Variants in MCF2L observed in about 807,000 individuals in gnomAD.
MCF2L encodes MCF.2 cell line derived transforming sequence like.
A neutral mutation model predicts 153.4 loss-of-function variants in MCF2L; 97 were observed. That is an observed-to-expected ratio of 0.63 (90% CI 0.54 to 0.75). The LOEUF (loss-of-function observed/expected upper bound fraction) is 0.75. Ranked by LOEUF, MCF2L falls within the 30% of genes least tolerant of loss-of-function variation. The pLI is 0.00. For missense variants in MCF2L, 1,347 were observed against 1,495.2 expected (o/e 0.90, Z 1.64); for synonymous variants, 659 against 632.2 (o/e 1.04, Z -0.64).
rs145518202 is a variant in MCF2L at position 113,062,887 on chromosome 13, C to T, written c.490-1417C>T. ...GGCCGTCGCAACCACAGGTTTTCCA[C>T]ATAACCATAACCGTGTGGGAACTGC... On this transcript the variant is annotated intron_variant, in intron 5 of 29. Coordinates refer to ENST00000535094, the MANE Select transcript of MCF2L (RefSeq NM_001112732.3). Among the ~76,000 whole-genome samples, 189 of 152,334 alleles carry T rather than the reference C, an allele frequency of 1.2e-3. 1 individual carries two copies. The East Asian group carries it at 0.033, about 26-fold the overall frequency.
chr13:113,060,178 G>A (rs1236685871), intron 4 of MCF2L, among the ~76,000 whole-genome samples: 3 of 152,174 alleles, frequency 2.0e-5, no homozygotes, highest in Non-Finnish European at 4.4e-5. Context: ...CTCTCCACGC[G>A]GTGCTGGGAT....
chr13:112,961,721 C>T (rs2081828847), intron 2 of MCF2L, among the ~76,000 whole-genome samples: 1 of 152,216 alleles, frequency 6.6e-6, no homozygotes. Flanking sequence ...CTGCAGTCAC[C>T]CTCAGTGAGC....
chr13:112,936,034 C>T (rs1428445401), intron 2 of MCF2L, among the ~76,000 whole-genome samples: 3 of 152,108 alleles, frequency 2.0e-5, no homozygotes, highest in Admixed American at 6.5e-5. Context: ...AATCCCAGCA[C>T]ATTGGGAGGC....
intron 1 of MCF2L, chr13:112,979,463 T>G: frequency 1.4e-6 from 2 of 1,420,008 alleles, no homozygotes; most frequent in South Asian, 1.5e-5. Context: ...CCCTCTTGGG[T>G]TCTTTCTTGT....
At chr13:112,992,848 G>A (rs527992898) in intron 1 of MCF2L, among the ~76,000 whole-genome samples, 1 of 152,300 alleles carries the variant, frequency 6.6e-6, no homozygotes, top group Non-Finnish European at 1.5e-5. Context: ...GGCTTTAAAA[G>A]CACTGACTTT....
At chr13:113,006,131 ACC>A (rs893606375) in intron 1 of MCF2L, among the ~76,000 whole-genome samples, 1 of 151,686 alleles carries the variant, frequency 6.6e-6, no homozygotes, top group African/African-American at 2.4e-5. Flanking sequence ...GGTCTCACTC[ACC>A]CATCAGCCTG....
upstream of MCF2L, chr13:112,967,597 T>A (rs897268120): frequency 2.2e-4 from 34 of 152,298 alleles, no homozygotes; most frequent in African/African-American, 8.2e-4. Flanking sequence ...ATAAGGCCTG[T>A]AGGCACTATA....
At position 113,096,601 on chromosome 13, in the gene MCF2L, C is replaced by T. The variant is rs1189078586; in HGVS notation, c.3240C>T (p.Ser1080=). Reference sequence around the variant, plus strand: ...AGGAGGGCTGGGTGCCGGCCAGCAGCCTGTCCGTCCGGCTCGGCCCGTCCG... The same window carrying T: ...AGGAGGGCTGGGTGCCGGCCAGCAGTCTGTCCGTCCGGCTCGGCCCGTCCG... ...TGKEGWVPAS[S]LSVRLGPSGS... The change falls in exon 29 of 30, where the codon AGC becomes AGT. Residue 1080 remains serine, a synonymous_variant. Transcript: ENST00000535094. 6.2e-7 allele frequency: 1 copy of T among 1,602,862 alleles called. No individual in the cohort carries two copies. The highest frequency in any genetic ancestry group is 8.5e-7 in the Non-Finnish European group (1 of 1,178,260).
chr13:112,986,779 A>G (rs2082660700), intron 1 of MCF2L, among the ~76,000 whole-genome samples: 1 of 152,208 alleles, frequency 6.6e-6, no homozygotes, highest in Non-Finnish European at 1.5e-5. Context: ...CCGGGTCTGC[A>G]CTGCGCCCTC....
chr13:112,980,150 G>A (rs142148330), intron 1 of MCF2L, among the ~76,000 whole-genome samples: 120 of 152,340 alleles, frequency 7.9e-4, no homozygotes, highest in African/African-American at 2.8e-3. Flanking sequence ...TGGGTGGGAT[G>A]AGGGTGCAGA....
intron 1 of MCF2L, among the ~76,000 whole-genome samples, chr13:112,981,179 A>T (rs939528822): frequency 6.0e-5 from 9 of 151,214 alleles, no homozygotes; most frequent in African/African-American, 2.0e-4. Context: ...CGCACTGGGG[A>T]CCCCGACACG....
chr13:112,916,603 A>G (rs927410567), intron 2 of MCF2L, among the ~76,000 whole-genome samples: 1 of 152,086 alleles, frequency 6.6e-6, no homozygotes, highest in African/African-American at 2.4e-5. Context: ...CCACCCCTGC[A>G]CTGGGGTCTG....
chr13:113,091,674 C>T (rs1484173704), intron 26 of MCF2L, among the ~76,000 whole-genome samples: 2 of 151,882 alleles, frequency 1.3e-5, no homozygotes, highest in African/African-American at 4.8e-5. Flanking sequence ...CTGTCCGACC[C>T]GGACCCTCCT....
At chr13:113,094,795 GCTC>G in intron 27 of MCF2L, 160 bp downstream of exon 27, 2 of 1,058,414 alleles carry the variant, frequency 1.9e-6, no homozygotes, top group Non-Finnish European at 2.7e-6. Flanking sequence ...GGCAGTGCCA[GCTC>G]CTCCTAACTC....
At position 113,032,959 on chromosome 13, in the gene MCF2L, C is replaced by T. The variant is rs540918233; in HGVS notation, c.278+8201C>T. Among the ~76,000 whole-genome samples, 107 of 151,480 alleles carry T rather than the reference C, an allele frequency of 7.1e-4. 1 individual carries two copies. Among genetic ancestry groups the T allele is most frequent in the African/African-American group, 2.5e-3 (102 of 41,174 alleles). ...TGGCCCCCGTGACGTGAGTGGACCC[C>T]GTGATGTGAGTGGACCCTGTGATGT... On this transcript the variant is annotated intron_variant, in intron 3 of 29. Coordinates refer to ENST00000535094, the MANE Select transcript of MCF2L (RefSeq NM_001112732.3).
chr13:113,041,763 G>A (rs1286989383), intron 3 of MCF2L, among the ~76,000 whole-genome samples: 1 of 152,144 alleles, frequency 6.6e-6, no homozygotes, highest in Non-Finnish European at 1.5e-5. Flanking sequence ...CCCTGCATAG[G>A]GGGCAAGGTC....
rs944751093 is a variant in MCF2L, at chr13:113,035,561, G to A, written c.279-9710G>A. ...CTCTGGCCCCCTCCCTGGCTCCTTC[G>A]CCTGCTGCCTTTTTCTTCCATGAGG... On this transcript the variant is annotated intron_variant, in intron 3 of 29. Coordinates refer to ENST00000535094, the MANE Select transcript of MCF2L (RefSeq NM_001112732.3). The surrounding 1 kb of genome is among the most constrained non-coding windows in gnomAD (Gnocchi z 4.4). 2.6e-5 allele frequency among the ~76,000 whole-genome samples: 4 copies of A among 152,210 alleles called. No homozygotes were observed. Among genetic ancestry groups the A allele is most frequent in the Admixed American group, 6.5e-5 (1 of 15,292 alleles).
intron 4 of MCF2L, among the ~76,000 whole-genome samples, chr13:113,055,439 CA>C (rs1468128392): frequency 2.5e-5 from 3 of 119,296 alleles, no homozygotes; most frequent in Admixed American, 9.2e-5. Context: ...CACACACACA[CA>C]CACACCTGGC....
rs112693130 is a variant in MCF2L, at chr13:113,081,814, A to G, written c.1875+535A>G. On this transcript the variant is annotated intron_variant, in intron 16 of 29. Transcript: ENST00000535094. ...CACTTGAGTGTAGACGGGTGTCCGA[A>G]TCACCGAGTGTTCAGAGGTGGTGGT... Among the ~76,000 whole-genome samples the G allele has an allele frequency of 2.7e-3, 385 of 145,132 alleles. 3 individuals are homozygous for G. Among genetic ancestry groups the G allele is most frequent in the African/African-American group, 9.7e-3 (376 of 38,716 alleles).
Sources: allele counts gnomAD v4.1 joint callset (sites outside exome capture counted in the v4.1 genomes callset), GRCh38; gene constraint gnomAD v4.1.1; non-coding constraint Gnocchi (gnomAD v3.1); transcripts MANE v1.5; gene names NCBI Gene and HGNC (gene_info 2026-07-23, HGNC 2026-07-21).